NINJ2: variants seen among roughly 807,000 people sequenced by gnomAD.
NINJ2 encodes the protein ninjurin-2.
Under a neutral mutation model 11.7 loss-of-function variants are expected in NINJ2, and 12 were observed. The ratio of observed to expected loss-of-function variants is 1.02; its 90% CI spans 0.66 to 1.66. NINJ2 has a LOEUF of 1.66. NINJ2 is among the 40% of genes most tolerant of loss of function. The probability of loss-of-function intolerance (pLI) is 0.00; values close to 1 mark genes in which losing one functional copy is unlikely to be tolerated. For missense variants in NINJ2, 187 were observed against 181.8 expected, an observed-to-expected ratio of 1.03 and a Z score of -0.16; for synonymous variants, 93 against 76.8, an observed-to-expected ratio of 1.21 and a Z score of -1.10.
At chr12:608,030 G>A (rs1358768924) in intron 1 of NINJ2, among the ~76,000 whole-genome samples, 1 of 152,196 alleles carries the variant, frequency 6.6e-6, no homozygotes, top group Admixed American at 6.5e-5. Context: ...TGTAGGAGCT[G>A]GTGTTCCATC....
At chr12:570,743 C>T (rs1947364651) in intron 1 of NINJ2, among the ~76,000 whole-genome samples, 4 of 152,176 alleles carry the variant, frequency 2.6e-5, no homozygotes, top group African/African-American at 9.7e-5. Context: ...GCGGCCTCCA[C>T]CCGCCACAAG....
intron 1 of NINJ2, among the ~76,000 whole-genome samples, chr12:600,461 C>A (rs988333845): frequency 6.6e-6 from 1 of 151,982 alleles, no homozygotes; most frequent in African/African-American, 2.4e-5. Context: ...GAGGCTGAGG[C>A]GGGAGAATCA....
intron 1 of NINJ2, among the ~76,000 whole-genome samples, chr12:637,829 C>T (rs1384992798): frequency 6.6e-6 from 1 of 152,106 alleles, no homozygotes; most frequent in African/African-American, 2.4e-5. Context: ...AAAAGAAATA[C>T]AGCCTTGGCT....
intron 1 of NINJ2, among the ~76,000 whole-genome samples, chr12:624,993 C>T (rs977321198): frequency 6.0e-5 from 9 of 150,658 alleles, no homozygotes; most frequent in Admixed American, 1.3e-4. Context: ...CCTATAATCC[C>T]GGCTACTTGG....
chr12:600,483 G>T (rs921325221), intron 1 of NINJ2, among the ~76,000 whole-genome samples: 6 of 152,136 alleles, frequency 3.9e-5, no homozygotes, highest in African/African-American at 1.4e-4. Flanking sequence ...TTGAACCTGG[G>T]AGGCGGAGGT....
intron 1 of NINJ2, among the ~76,000 whole-genome samples, chr12:615,671 G>C (rs1338281130): frequency 2.0e-5 from 3 of 152,158 alleles, no homozygotes; most frequent in Admixed American, 1.3e-4. Flanking sequence ...GCTCCTATCG[G>C]CTAAATTTAT....
chr12:629,797 G>T (rs1213947152), intron 1 of NINJ2, among the ~76,000 whole-genome samples: 1 of 148,432 alleles, frequency 6.7e-6, no homozygotes, highest in African/African-American at 2.5e-5. Context: ...TGAGGCAGGA[G>T]AATCACTTGA....
At chr12:612,497 C>G (rs1245787521) in intron 1 of NINJ2, among the ~76,000 whole-genome samples, 2 of 152,122 alleles carry the variant, frequency 1.3e-5, no homozygotes, top group Non-Finnish European at 2.9e-5. Context: ...AACTGAGATT[C>G]ACTGTTGCTA....
intron 1 of NINJ2, among the ~76,000 whole-genome samples, chr12:593,563 A>G (rs1947743226): frequency 6.6e-6 from 1 of 152,062 alleles, no homozygotes; most frequent in Non-Finnish European, 1.5e-5. Context: ...ACAAAAAATA[A>G]AATTAGCCAG....
chr12:629,896 A>AAAAAAAAAAAAAAAAAAAAAAT, intron 1 of NINJ2, among the ~76,000 whole-genome samples: 1 of 9,904 alleles, frequency 1.0e-4, no homozygotes, highest in African/African-American at 1.5e-4. Flanking sequence ...AAAAAAAAAA[A>AAAAAAAAAAAAAAAAAAAAAAT]ATATATATAT....
chr12:616,137 C>A (rs963509330), intron 1 of NINJ2, among the ~76,000 whole-genome samples: 1 of 152,158 alleles, frequency 6.6e-6, no homozygotes, highest in Non-Finnish European at 1.5e-5. Context: ...GACTGCATTG[C>A]CATTTCAACG....
intron 1 of NINJ2, among the ~76,000 whole-genome samples, chr12:597,364 A>G (rs1947801873): frequency 6.6e-6 from 1 of 152,204 alleles, no homozygotes; most frequent in South Asian, 2.1e-4. Flanking sequence ...GCGGCACTCA[A>G]TAAATCTCAG....
At chr12:626,017 AG>A (rs1335591052) in intron 1 of NINJ2, among the ~76,000 whole-genome samples, 24 of 152,252 alleles carry the variant, frequency 1.6e-4, no homozygotes, top group African/African-American at 5.8e-4. Context: ...CATTAAATTT[AG>A]GAGAATCATT....
At chr12:618,741 G>T (rs1033917412) in intron 1 of NINJ2, among the ~76,000 whole-genome samples, 2 of 152,196 alleles carry the variant, frequency 1.3e-5, no homozygotes, top group African/African-American at 4.8e-5. Context: ...GCAGGGAAAA[G>T]GAGGCTCTTG....
chr12:575,925 G>A (rs1472315509), intron 1 of NINJ2, among the ~76,000 whole-genome samples: 1 of 152,264 alleles, frequency 6.6e-6, no homozygotes, highest in East Asian at 1.9e-4. Flanking sequence ...GGGAATGAAT[G>A]ACTGGGGCTG....
intron 1 of NINJ2, among the ~76,000 whole-genome samples, chr12:603,175 T>C (rs964817566): frequency 6.6e-6 from 1 of 152,238 alleles, no homozygotes; most frequent in Non-Finnish European, 1.5e-5. Flanking sequence ...TGCTGGCTAA[T>C]GATGTTAAAC....
At chr12:603,196 G>A (rs1462409146) in intron 1 of NINJ2, among the ~76,000 whole-genome samples, 1 of 152,086 alleles carries the variant, frequency 6.6e-6, no homozygotes, top group African/African-American at 2.4e-5. Flanking sequence ...ATCTTTTCAT[G>A]TGCTTATTGG....
chr12:639,171 A>C (rs1439194875), intron 1 of NINJ2, among the ~76,000 whole-genome samples: 1 of 152,102 alleles, frequency 6.6e-6, no homozygotes, highest in Admixed American at 6.6e-5. Flanking sequence ...CGTGTGGCAG[A>C]ACTCAGTAAT....
At chr12:565,856 G>T in intron 2 of NINJ2, 94 bp downstream of exon 2, 3 of 1,090,350 alleles carry the variant, frequency 2.8e-6, no homozygotes, top group South Asian at 2.5e-5. Context: ...AAAGCTGCCT[G>T]TGCCAATGCA....
Sources: gnomAD v4.1 joint callset for allele counts (sites outside exome capture counted in the v4.1 genomes callset) on GRCh38, gnomAD v4.1.1 for gene constraint, MANE v1.5 for transcripts, NCBI Gene and HGNC (gene_info 2026-07-23, HGNC 2026-07-21) for gene names.